RIPK2: variants seen among roughly 807,000 people sequenced by gnomAD.
RIPK2 encodes receptor-interacting serine/threonine-protein kinase 2.
Under a neutral mutation model 60.9 loss-of-function variants are expected in RIPK2, and 38 were observed. The observed-to-expected ratio is 0.62, with a 90% CI of 0.48 to 0.82. RIPK2 has a LOEUF of 0.82. Among genes scored for constraint, RIPK2 ranks in the 40% least tolerant of loss-of-function variants. The pLI is 0.00. For synonymous variants in RIPK2, 225 were observed against 223.4 expected (o/e 1.01, Z -0.06); for missense variants, 518 against 647.0 (o/e 0.80, Z 2.16).
chr8:89,770,245 T>C (rs766398029), intron 4 of RIPK2, among the ~76,000 whole-genome samples: 11 of 151,980 alleles, frequency 7.2e-5, no homozygotes, highest in South Asian at 6.2e-4. Flanking sequence ...CCTAACATTT[T>C]AGCTTTAGGT....
chr8:89,757,848 CTAGA>C lies in RIPK2; in HGVS notation c.-212_-209del. On this transcript the variant is annotated 5_prime_UTR_variant, in exon 1 of 11. Transcript: ENST00000220751. ...GGCGCTACGGCGTTGGCACCAGTCT[CTAGA>C]AAAGAAGTCAGCTCTGGTTCGGAGA... is the stretch of plus-strand genomic sequence containing the variant. 7.5e-7 allele frequency: 1 copy of C among 1,326,950 alleles called. No homozygotes were observed. Among genetic ancestry groups the C allele is most frequent in the Non-Finnish European group, 9.6e-7 (1 of 1,038,916 alleles). 82.2% of individuals were successfully genotyped at this position (1,326,950 alleles called of 1,614,324 possible). A position where few individuals can be genotyped will look rare whatever the true frequency, so the allele number is the denominator to read the frequency against.
At position 89,789,971 on chromosome 8, in the gene RIPK2, A is replaced by G. The variant is rs574736117; in HGVS notation, c.1286-108A>G. 5 of 793,984 alleles carry G rather than the reference A, an allele frequency of 6.3e-6. No homozygotes were observed. In the African/African-American group the frequency reaches 8.6e-5, roughly 14 times the overall value. The allele number at this position is 793,984 out of a possible 1,614,324, so 49.2% of individuals were successfully genotyped here. A position where few individuals can be genotyped will look rare whatever the true frequency, so the allele number is the denominator to read the frequency against. On this transcript the variant is annotated intron_variant, in intron 10 of 10. Transcript: ENST00000220751. The stretch of plus-strand genomic sequence containing the variant: ...AGTGTTGGTGTTCCATATTGGCACA[A>G]TCATAGGAAAATTATGTTTTATGCT...
chr8:89,766,129 C>T (rs1283057174), intron 3 of RIPK2, among the ~76,000 whole-genome samples: 1 of 151,806 alleles, frequency 6.6e-6, no homozygotes, highest in Non-Finnish European at 1.5e-5. Flanking sequence ...GCTTTGTTCA[C>T]GTCACATAAT....
chr8:89,774,451 A>G (rs2130564352), intron 6 of RIPK2, among the ~76,000 whole-genome samples: 1 of 152,312 alleles, frequency 6.6e-6, no homozygotes, highest in South Asian at 2.1e-4. Flanking sequence ...GTGGGAATAT[A>G]AAATGATGCT....
Position 89,762,969 on chromosome 8 carries a change from A to G in RIPK2, c.314A>G (p.Glu105Gly). ...TEYMPNGSLNELLHRKTEYPD... is the reference protein window; with the variant it reads ...TEYMPNGSLNGLLHRKTEYPD... The stretch of plus-strand genomic sequence containing the variant: ...TACATGCCAAATGGATCATTAAATG[A>G]ACTCCTACATAGGGTAAGTATTACA... The change falls in exon 2 of 11, where the codon GAA (glutamate) becomes GGA (glycine). Residue 105 changes from glutamate to glycine, a missense_variant. Coordinates refer to ENST00000220751, the MANE Select transcript of RIPK2 (RefSeq NM_003821.6). 6.6e-7 allele frequency: 1 copy of G among 1,504,942 alleles called. No homozygotes were observed. The highest frequency in any genetic ancestry group is 9.0e-7 in the Non-Finnish European group (1 of 1,117,048). The allele number at this position is 1,504,942 out of a possible 1,614,324, so 93.2% of individuals were successfully genotyped here.
At chr8:89,789,656 G>T (rs1030538377) in intron 10 of RIPK2, among the ~76,000 whole-genome samples, 174 bp downstream of exon 10, 1 of 152,002 alleles carries the variant, frequency 6.6e-6, no homozygotes, top group Non-Finnish European at 1.5e-5. Flanking sequence ...TGGCCCAAAT[G>T]GTATTCTATG....
intron 6 of RIPK2, among the ~76,000 whole-genome samples, chr8:89,779,085 A>G (rs576512174): frequency 1.3e-5 from 2 of 152,052 alleles, no homozygotes; most frequent in Admixed American, 6.5e-5. Context: ...AGACATTTGT[A>G]TATCTCCTTT....
chr8:89,784,152 A>G lies in RIPK2; in HGVS notation c.1029+13A>G. On this transcript the variant is annotated intron_variant, in intron 8 of 10. Transcript: ENST00000220751. The stretch of plus-strand genomic sequence containing the variant: ...TGGTCCACAAGAGGTAAAAAAAAAA[A>G]AAAAAAAAAAAAGGTTATATTAAAC... 1 of 1,438,500 alleles carries G rather than the reference A, an allele frequency of 7.0e-7. No homozygotes were observed. The highest frequency in any genetic ancestry group is 9.5e-7 in the Non-Finnish European group (1 of 1,055,520). The allele number at this position is 1,438,500 out of a possible 1,614,324, so 89.1% of individuals were successfully genotyped here.
intron 4 of RIPK2, 47 bp from the exon 5 acceptor site, chr8:89,771,694 C>T (rs759566527): frequency 1.3e-5 from 17 of 1,301,252 alleles, no homozygotes; most frequent in African/African-American, 3.0e-5. Flanking sequence ...GTTTATTATG[C>T]AGAGTTCATT....
At chr8:89,784,372 G>A (rs1170386348) in intron 8 of RIPK2, among the ~76,000 whole-genome samples, 1 of 152,054 alleles carries the variant, frequency 6.6e-6, no homozygotes, top group East Asian at 1.9e-4. Flanking sequence ...GTTTGACATT[G>A]AGTTCTGTCC....
chr8:89,786,005 C>T (rs1406661479), intron 8 of RIPK2, among the ~76,000 whole-genome samples: 1 of 152,190 alleles, frequency 6.6e-6, no homozygotes, highest in Non-Finnish European at 1.5e-5. Context: ...ATTCACTATT[C>T]TAGCTACTGG....
At position 89,772,565 on chromosome 8, in the gene RIPK2, A is replaced by G; in HGVS notation, c.692-102A>G. The G allele has an allele frequency of 3.5e-6, 3 of 846,054 alleles. No individual in the cohort carries two copies. In the South Asian group the frequency reaches 5.8e-5, roughly 16 times the overall value. The allele number at this position is 846,054 out of a possible 1,614,324, so 52.4% of individuals were successfully genotyped here. The stretch of plus-strand genomic sequence containing the variant: ...AAAGGGGGGTAAGGCATCATTCCTA[A>G]AATTTCAATATTCACTTATTTTCTT... On this transcript the variant is annotated intron_variant, in intron 5 of 10. Transcript: ENST00000220751.
At chr8:89,759,802 A>T (rs1200057100) in intron 1 of RIPK2, among the ~76,000 whole-genome samples, 2 of 152,214 alleles carry the variant, frequency 1.3e-5, no homozygotes, top group Admixed American at 1.3e-4. Context: ...TGTAGCACTG[A>T]TGGACCCATT....
At chr8:89,788,228 A>T (rs1287454200) in intron 9 of RIPK2, among the ~76,000 whole-genome samples, 1 of 151,970 alleles carries the variant, frequency 6.6e-6, no homozygotes, top group African/African-American at 2.4e-5. Context: ...CTGTAATCCC[A>T]GCTCCTCAGG....
At chr8:89,769,621 G>A (rs1357932918) in intron 3 of RIPK2, 151 bp from the exon 4 acceptor site, 6 of 487,980 alleles carry the variant, frequency 1.2e-5, no homozygotes, top group Middle Eastern at 5.4e-4. Context: ...AATTTTGTAA[G>A]AAGTTGGGGG....
At chr8:89,767,884 T>A (rs541505764) in intron 3 of RIPK2, among the ~76,000 whole-genome samples, 1 of 151,930 alleles carries the variant, frequency 6.6e-6, no homozygotes, top group South Asian at 2.1e-4. Flanking sequence ...CCCTGATAAA[T>A]ACCCTTTAGT....
chr8:89,777,965 C>T (rs1056542247), intron 6 of RIPK2, among the ~76,000 whole-genome samples: 7 of 151,894 alleles, frequency 4.6e-5, no homozygotes, highest in African/African-American at 1.7e-4. Flanking sequence ...AATGGAAGAA[C>T]ATGAAATTAC....
chr8:89,772,100 G>A (rs553647012), intron 5 of RIPK2, among the ~76,000 whole-genome samples: 25 of 151,882 alleles, frequency 1.6e-4, no homozygotes, highest in African/African-American at 5.1e-4. Context: ...CATTTTTGTC[G>A]CCTGCATAAT....
At chr8:89,782,370 A>G (rs899014286) in intron 7 of RIPK2, among the ~76,000 whole-genome samples, 1 of 152,226 alleles carries the variant, frequency 6.6e-6, no homozygotes, top group African/African-American at 2.4e-5. Context: ...CAGTTGAGCA[A>G]GGGTAATGGA....
Sources: allele counts gnomAD v4.1 joint callset (sites outside exome capture counted in the v4.1 genomes callset), GRCh38; gene constraint gnomAD v4.1.1; transcripts MANE v1.5; gene names NCBI Gene and HGNC (gene_info 2026-07-23, HGNC 2026-07-21).